The following DDX52 variants were observed in gnomAD, a reference collection of about 807,000 sequenced individuals.
DDX52 encodes the protein probable ATP-dependent RNA helicase DDX52.
In DDX52, 59 loss-of-function variants were observed where a neutral mutation model predicts 76.1. The ratio of observed to expected loss-of-function variants is 0.78; its 90% CI spans 0.63 to 0.96. The LOEUF is 0.96. Among genes scored for constraint, DDX52 ranks in the 40% least tolerant of loss-of-function variants. The probability of loss-of-function intolerance (pLI) is 0.00; values close to 1 mark genes in which losing one functional copy is unlikely to be tolerated. For synonymous variants in DDX52, 231 were observed against 244.1 expected, an observed-to-expected ratio of 0.95 and a Z score of 0.50; for missense variants, 707 against 703.9, an observed-to-expected ratio of 1.00 and a Z score of -0.05.
At position 37,633,302 on chromosome 17, in the gene DDX52, G is replaced by C; in HGVS notation, c.403C>G (p.Leu135Val). 1 of 1,603,178 alleles carries C rather than the reference G, an allele frequency of 6.2e-7. No homozygotes were observed. Among genetic ancestry groups the C allele is most frequent in the Non-Finnish European group, 8.5e-7 (1 of 1,176,816 alleles). The change falls in exon 3 of 15, where the codon CTC becomes GTC. Residue 135 changes from leucine (L) to valine (V), a missense_variant. Coordinates refer to ENST00000617633, the MANE Select transcript of DDX52 (RefSeq NM_007010.5). Reference sequence around the variant, plus strand: ...ATTTTTCTAACCTTTTCTTTTCTGAGATTCTCCAACTTTCCGGAAGTTAGT... The same window carrying C: ...ATTTTTCTAACCTTTTCTTTTCTGACATTCTCCAACTTTCCGGAAGTTAGT... Reference protein sequence around the residue: ...SKLTSGKLENLRKEKINFLRN... With the variant: ...SKLTSGKLENVRKEKINFLRN...
chr17:37,643,344 G>GT lies in DDX52; in HGVS notation c.76_77insA (p.Ala26AspfsTer11). ...CCTTGGGCACAGTACCTGGAATCGA[G>GT]CTGCGTCTGCCGAGAAGCGTCTCGT... On this transcript the variant is annotated frameshift_variant, in exon 1 of 15. Coordinates refer to ENST00000617633, the MANE Select transcript of DDX52 (RefSeq NM_007010.5). LOFTEE classifies it high-confidence loss of function. 6.2e-7 allele frequency: 1 copy of GT among 1,613,844 alleles called. No individual in the cohort carries two copies. The highest frequency in any genetic ancestry group is 1.1e-5 in the South Asian group (1 of 91,076).
At chr17:37,631,298 G>A (rs1252417614) in intron 4 of DDX52, 1 of 152,162 alleles carries the variant, frequency 6.6e-6, no homozygotes, top group Non-Finnish European at 1.5e-5. Context: ...ATACTACTTG[G>A]TAACAAACTA....
intron 14 of DDX52, among the ~76,000 whole-genome samples, chr17:37,617,294 G>T (rs1305718908): frequency 6.6e-6 from 1 of 152,146 alleles, no homozygotes; most frequent in East Asian, 1.9e-4. Context: ...CTAGGCCATT[G>T]ATAGCACTCT....
At chr17:37,627,210 C>G (rs1011661077) in intron 6 of DDX52, among the ~76,000 whole-genome samples, 12 of 151,800 alleles carry the variant, frequency 7.9e-5, no homozygotes, top group African/African-American at 2.9e-4. Context: ...TTATTTATTA[C>G]TATTATTTTT....
At chr17:37,632,446 A>G (rs1455491101) in intron 3 of DDX52, 148 bp from the exon 4 acceptor site, 1 of 768,866 alleles carries the variant, frequency 1.3e-6, no homozygotes, top group Non-Finnish European at 2.1e-6. Context: ...CATCACAGAT[A>G]TTAGGTACAT....
In DDX52 at chr17:37,629,382, A is replaced by T. The variant is rs140467721; in HGVS notation, c.747+648T>A. The stretch of plus-strand genomic sequence containing the variant: ...TACTTTTCCCTTCTAAAAAAAACAA[A>T]CTGAGATGAGTCAGGCATAATGACT... On this transcript the variant is annotated intron_variant, in intron 5 of 14. Transcript: ENST00000617633. Among the ~76,000 whole-genome samples, 24 of 151,910 alleles carry T rather than the reference A, an allele frequency of 1.6e-4. 1 individual carries two copies. The highest frequency in any genetic ancestry group is 5.8e-4 in the African/African-American group (24 of 41,404).
At chr17:37,634,266 A>G (rs2030824997) in intron 2 of DDX52, among the ~76,000 whole-genome samples, 2 of 151,982 alleles carry the variant, frequency 1.3e-5, no homozygotes, top group South Asian at 4.2e-4. Context: ...AAATTTCAAT[A>G]AGGCAGCCAC....
At chr17:37,616,157 C>T (rs1428875308) in intron 14 of DDX52, among the ~76,000 whole-genome samples, 1 of 152,242 alleles carries the variant, frequency 6.6e-6, no homozygotes, top group East Asian at 1.9e-4. Flanking sequence ...CCTGAAAGGA[C>T]TGCATTTGTT....
intron 14 of DDX52, among the ~76,000 whole-genome samples, chr17:37,616,693 G>A (rs991870219): frequency 6.6e-6 from 1 of 151,196 alleles, no homozygotes; most frequent in African/African-American, 2.4e-5. Flanking sequence ...TGATTGTGAA[G>A]CATTCCCAAA....
intron 5 of DDX52, among the ~76,000 whole-genome samples, chr17:37,628,942 G>A (rs2030531367): frequency 6.6e-6 from 1 of 152,146 alleles, no homozygotes. Context: ...TACTGGCCGG[G>A]TGTGGGGGCT....
chr17:37,623,098 C>T (rs367928367), intron 9 of DDX52, among the ~76,000 whole-genome samples: 219 of 152,318 alleles, frequency 1.4e-3, no homozygotes, highest in Middle Eastern at 6.8e-3. Flanking sequence ...CTTTTCCCTT[C>T]TAGCCTCCAA....
chr17:37,616,597 G>C (rs1198486978), intron 14 of DDX52, among the ~76,000 whole-genome samples: 3 of 151,528 alleles, frequency 2.0e-5, no homozygotes, highest in Non-Finnish European at 4.4e-5. Context: ...GGAGGTTGCA[G>C]TGAGCCGAGA....
At chr17:37,615,396 A>C (rs1043375410) in intron 14 of DDX52, among the ~76,000 whole-genome samples, 4 of 152,204 alleles carry the variant, frequency 2.6e-5, no homozygotes, top group African/African-American at 9.6e-5. Flanking sequence ...CCTCAGAAGA[A>C]GGCAGGTGCA....
intron 4 of DDX52, chr17:37,631,282 A>T (rs1448660056): frequency 1.3e-5 from 2 of 152,274 alleles, no homozygotes; most frequent in African/African-American, 4.8e-5. Context: ...ATATTCATAC[A>T]ACATAATACT....
chr17:37,643,202 G>T, intron 1 of DDX52, 132 bp downstream of exon 1: 1 of 891,780 alleles, frequency 1.1e-6, no homozygotes, highest in Non-Finnish European at 1.7e-6. Context: ...ACAAAAGGAA[G>T]CAAAATACCC....
intron 14 of DDX52, among the ~76,000 whole-genome samples, chr17:37,615,976 T>G (rs2064421098): frequency 6.6e-6 from 1 of 152,124 alleles, no homozygotes; most frequent in East Asian, 1.9e-4. Flanking sequence ...ATCGTGCCAC[T>G]GCACTCCCGC....
chr17:37,612,386 AT>A lies in DDX52; in HGVS notation c.*1909del, dbSNP rs2064378350. ...GCCACTACGCCTGGCCAAGAAAAAT[AT>A]TTTCAATAAATTTAGTATAGGTTAA... is the stretch of plus-strand genomic sequence containing the variant. On this transcript the variant is annotated 3_prime_UTR_variant, in exon 15 of 15. Coordinates refer to ENST00000617633, the MANE Select transcript of DDX52 (RefSeq NM_007010.5). The A allele has an allele frequency of 6.6e-6, 1 of 152,082 alleles. No homozygotes were observed. Among genetic ancestry groups the A allele is most frequent in the African/African-American group, 2.4e-5 (1 of 41,368 alleles). The allele number at this position is 152,082 out of a possible 1,614,324, so 9.4% of individuals were successfully genotyped here. A position where few individuals can be genotyped will look rare whatever the true frequency, so the allele number is the denominator to read the frequency against.
chr17:37,628,622 G>A lies in DDX52; in HGVS notation c.798C>T (p.His266=). 6.2e-7 allele frequency: 1 copy of A among 1,610,454 alleles called. No homozygotes were observed. The highest frequency in any genetic ancestry group is 8.5e-7 in the Non-Finnish European group (1 of 1,179,040). The change falls in exon 6 of 15, where the codon CAC becomes CAT. Residue 266 remains histidine (H), a synonymous_variant. Coordinates refer to ENST00000617633, the MANE Select transcript of DDX52 (RefSeq NM_007010.5). ...CTGCCACTGCTGCTTTGTGGATCAT[G>A]TGTATTCTGAATCCTGTTCCCTCAG... ...KISEGTGFRI[H]MIHKAAVAAK... is the part of the protein sequence containing the mutation.
rs987043155 is a variant in DDX52 at position 37,613,559 on chromosome 17, T to C, written c.*737A>G. The C allele has an allele frequency of 6.6e-6, 1 of 152,166 alleles. No homozygotes were observed. Among genetic ancestry groups the C allele is most frequent in the Non-Finnish European group, 1.5e-5 (1 of 68,038 alleles). The allele number at this position is 152,166 out of a possible 1,614,324, so 9.4% of individuals were successfully genotyped here. ...AGGTATTACGTATCCAATACAAGGA[T>C]ACTTAATAGACCAAAGAATTTAAAA... On this transcript the variant is annotated 3_prime_UTR_variant, in exon 15 of 15. Coordinates refer to ENST00000617633, the MANE Select transcript of DDX52 (RefSeq NM_007010.5).
Sources: gnomAD v4.1 joint callset for allele counts (sites outside exome capture counted in the v4.1 genomes callset) on GRCh38, gnomAD v4.1.1 for gene constraint, MANE v1.5 for transcripts, NCBI Gene and HGNC (gene_info 2026-07-23, HGNC 2026-07-21) for gene names.